ZSCAN31: variants seen among roughly 807,000 people sequenced by gnomAD.
ZSCAN31 encodes zinc finger and SCAN domain containing 31.
A neutral mutation model predicts 22.5 loss-of-function variants in ZSCAN31; 14 were observed. The ratio of observed to expected loss-of-function variants is 0.62; its 90% CI spans 0.41 to 0.97. The LOEUF is 0.97. Ranked by LOEUF, ZSCAN31 falls within the 50% of genes least tolerant of loss-of-function variation. The pLI, the probability that ZSCAN31 is intolerant of heterozygous loss-of-function variation, is 0.00. For synonymous variants in ZSCAN31, 168 were observed against 169.8 expected (o/e 0.99, Z 0.08); for missense variants, 424 against 483.4 (o/e 0.88, Z 1.15).
rs1206617540 is a variant in ZSCAN31, at chr6:28,326,169, TG to T, written c.1217del (p.Pro406HisfsTer31). 2.5e-6 allele frequency: 4 copies of T among 1,605,934 alleles called. No individual in the cohort carries two copies. In the Admixed American group the frequency reaches 6.7e-5, roughly 27 times the overall value. On this transcript the variant is annotated frameshift_variant, in exon 4 of 4. Transcript: ENST00000344279. LOFTEE classifies it high-confidence loss of function. ...GGCTTTCCCAAACTCATCACCCTTA[TG>T]GTCTCTCTCCAGTGTGGATTTTCTG... ...KHQKIHTGERP is the reference protein window; with the variant it reads ...KHQKIHTGERX
rs199969887 is a variant in ZSCAN31 at position 28,326,701 on chromosome 6, T to G, written c.686A>C (p.Gln229Pro). Reference sequence around the variant, plus strand: ...TCTCTCTCCAGTGGAATGTGCCTGCTGCTTTTCTGCCTTGCTGTCTCGTTT... The same window carrying G: ...TCTCTCTCCAGTGGAATGTGCCTGCGGCTTTTCTGCCTTGCTGTCTCGTTT... ...TCKRDSKAEKQQAHSTGERRH... is the reference protein window; with the variant it reads ...TCKRDSKAEKPQAHSTGERRH... The change falls in exon 4 of 4, where the codon CAG (glutamine) becomes CCG (proline). Residue 229 changes from glutamine (Q) to proline (P), a missense_variant. Coordinates refer to ENST00000344279, the MANE Select transcript of ZSCAN31 (RefSeq NM_030899.5). 3.7e-6 allele frequency: 6 copies of G among 1,614,122 alleles called. No individual in the cohort carries two copies. Among genetic ancestry groups the G allele is most frequent in the South Asian group, 1.1e-5 (1 of 91,092 alleles).
At chr6:28,329,168 G>T in intron 2 of ZSCAN31, 135 bp downstream of exon 2, 1 of 1,079,794 alleles carries the variant, frequency 9.3e-7, no homozygotes, top group Non-Finnish European at 1.3e-6. Context: ...CCATAGTCTT[G>T]GCCATTAAGG....
intron 3 of ZSCAN31, among the ~76,000 whole-genome samples, chr6:28,341,299 G>C (rs1478342136): frequency 6.6e-6 from 1 of 152,156 alleles, no homozygotes; most frequent in African/African-American, 2.4e-5. Flanking sequence ...ATAGAAATTC[G>C]TTGCTCACAG....
At chr6:28,346,064 G>A (rs755567955) in intron 2 of ZSCAN31, among the ~76,000 whole-genome samples, 10 of 152,074 alleles carry the variant, frequency 6.6e-5, no homozygotes, top group East Asian at 1.9e-4. Context: ...TCTAGGCTCC[G>A]TGAGTTCAAA....
chr6:28,335,149 G>C (rs1764045111), intron 1 of ZSCAN31, among the ~76,000 whole-genome samples: 1 of 152,136 alleles, frequency 6.6e-6, no homozygotes, highest in East Asian at 1.9e-4. Flanking sequence ...GCCTTAGGTG[G>C]ATAGCAAGGG....
chr6:28,353,952 G>T (rs1308620626), exon 2 of ZSCAN31: 1 of 454,910 alleles, frequency 2.2e-6, no homozygotes, highest in Non-Finnish European at 4.4e-6. Flanking sequence ...AACACTCGGG[G>T]CTGTAGGCAG....
At chr6:28,353,578 GTA>G (rs1765206119) in intron 2 of ZSCAN31, 1 of 268,648 alleles carries the variant, frequency 3.7e-6, no homozygotes, top group African/African-American at 2.2e-5. Flanking sequence ...TGAGGAAGGA[GTA>G]GATTAGGAAG....
In ZSCAN31 at chr6:28,326,339, G is replaced by T. The variant is rs368001785; in HGVS notation, c.1048C>A (p.Arg350Ser). The T allele has an allele frequency of 5.0e-6, 8 of 1,614,098 alleles. No homozygotes were observed. Among genetic ancestry groups the T allele is most frequent in the Non-Finnish European group, 6.8e-6 (8 of 1,180,044 alleles). Residue 350 changes from arginine to serine, a missense_variant, in exon 4 of 4, where the codon CGC (arginine) becomes AGC (serine). Arg to Ser is a moderately radical substitution (Grantham distance 110). Coordinates refer to ENST00000344279, the MANE Select transcript of ZSCAN31 (RefSeq NM_030899.5). ...TTGCCACACTCACGACACTGATAGC[G>T]CTTCTCTCCAGTGTGTATCCTCTGA... is the stretch of plus-strand genomic sequence containing the variant. ...QHQRIHTGEKRYQCRECGKAF... is the reference protein window; with the variant it reads ...QHQRIHTGEKSYQCRECGKAF...
At position 28,342,417 on chromosome 6, in the gene ZSCAN31, C is replaced by T. The variant is rs117263532; in HGVS notation, c.-370-625G>A. On this transcript the variant is annotated intron_variant, in intron 2 of 7. Coordinates refer to the ZSCAN31 transcript ENST00000396838. ...CTCAGGACACACCCCACCACCACAC[C>T]TGGACACTACGTTAGTTCCTAGGGT... Among the ~76,000 whole-genome samples the T allele has an allele frequency of 3.1e-4, 47 of 152,296 alleles. No homozygotes were observed. In the East Asian group the frequency reaches 8.7e-3, roughly 28 times the overall value.
intron 2 of ZSCAN31, among the ~76,000 whole-genome samples, chr6:28,345,319 A>G (rs1225815342): frequency 6.6e-6 from 1 of 152,176 alleles, no homozygotes; most frequent in African/African-American, 2.4e-5. Context: ...CAATGAACAA[A>G]TAAGCAGACA....
At chr6:28,335,020 A>G (rs1437623099) in intron 1 of ZSCAN31, among the ~76,000 whole-genome samples, 1 of 152,200 alleles carries the variant, frequency 6.6e-6, no homozygotes, top group Non-Finnish European at 1.5e-5. Context: ...ACGTGTATAT[A>G]GGAAATAAGG....
rs1167278615 is a variant in ZSCAN31, at chr6:28,347,577, TTTA to T, written c.-370-5788_-370-5786del. ...TGCTTAATTCTTTTGTTTGTTTTTG[TTTA>T]TTATTATTATTTTTTTGGCTCAGTC... On this transcript the variant is annotated intron_variant, in intron 2 of 7. Transcript: ENST00000396838. The surrounding 1 kb of genome is among the most constrained non-coding windows in gnomAD (Gnocchi z 5.2). 2.0e-5 allele frequency among the ~76,000 whole-genome samples: 3 copies of T among 152,204 alleles called. No homozygotes were observed. The highest frequency in any genetic ancestry group is 2.1e-4 in the South Asian group (1 of 4,834).
At position 28,351,918 on chromosome 6, in the gene ZSCAN31, A is replaced by G. The variant is rs2113886596; in HGVS notation, c.-371+1944T>C. Among the ~76,000 whole-genome samples the G allele has an allele frequency of 6.6e-6, 1 of 152,260 alleles. No individual in the cohort carries two copies. Among genetic ancestry groups the G allele is most frequent in the Non-Finnish European group, 1.5e-5 (1 of 68,032 alleles). ...TAGTATCATGATCACACGCAAAAAA[A>G]TTGACAATAATTCCTTGATATCATT... On this transcript the variant is annotated intron_variant, in intron 2 of 7. Transcript: ENST00000396838. The surrounding 1 kb of genome is among the most constrained non-coding windows in gnomAD (Gnocchi z 4.6).
rs958852729 is a variant in ZSCAN31 at position 28,347,589 on chromosome 6, AT to A, written c.-370-5798del. Among the ~76,000 whole-genome samples, 2 of 151,294 alleles carry A rather than the reference AT, an allele frequency of 1.3e-5. No homozygotes were observed. Among genetic ancestry groups the A allele is most frequent in the African/African-American group, 4.9e-5 (2 of 41,090 alleles). On this transcript the variant is annotated intron_variant, in intron 2 of 7. Transcript: ENST00000396838. This position sits in a 1 kb window ranked among gnomAD's most constrained non-coding sequence, Gnocchi z 5.2. ...TTGTTTGTTTTTGTTTATTATTATTATTTTTTTGGCTCAGTCTCCCCTGGAA... is the reference window on the plus strand; with the variant it reads ...TTGTTTGTTTTTGTTTATTATTATTATTTTTTGGCTCAGTCTCCCCTGGAA...
In ZSCAN31 at chr6:28,351,485, G is replaced by A. The variant is rs749198274; in HGVS notation, c.-371+2377C>T. On this transcript the variant is annotated intron_variant, in intron 2 of 7. Transcript: ENST00000396838. The surrounding 1 kb of genome is among the most constrained non-coding windows in gnomAD (Gnocchi z 4.6). ...ACATTGTTTAATTTTCTAAAATTTTGGAGAGAAATTTAAACACATTTAATT... is the reference window on the plus strand; with the variant it reads ...ACATTGTTTAATTTTCTAAAATTTTAGAGAGAAATTTAAACACATTTAATT... Among the ~76,000 whole-genome samples, 3 of 152,028 alleles carry A rather than the reference G, an allele frequency of 2.0e-5. No individual in the cohort carries two copies. Among genetic ancestry groups the A allele is most frequent in the Non-Finnish European group, 4.4e-5 (3 of 68,016 alleles).
At chr6:28,336,424 CAG>C (rs1231275572), upstream of ZSCAN31, 1 of 152,194 alleles carries the variant, frequency 6.6e-6, no homozygotes, top group East Asian at 1.9e-4. Flanking sequence ...GAGCGAGTAA[CAG>C]GAGGCAATTC....
intron 2 of ZSCAN31, chr6:28,341,800 A>C (rs1289677757): frequency 6.6e-6 from 1 of 152,266 alleles, no homozygotes; most frequent in Non-Finnish European, 1.5e-5. Context: ...GGTCTGCTAA[A>C]AACAAAGAAA....
upstream of ZSCAN31, among the ~76,000 whole-genome samples, chr6:28,354,501 TACAC>T (rs954792857): frequency 1.3e-5 from 2 of 152,094 alleles, no homozygotes; most frequent in African/African-American, 4.8e-5. Context: ...CCAGGGCTGA[TACAC>T]ACAGGCTTGA....
chr6:28,348,846 CATAT>C (rs1478200834), intron 2 of ZSCAN31, among the ~76,000 whole-genome samples: 1 of 151,854 alleles, frequency 6.6e-6, no homozygotes, highest in Non-Finnish European at 1.5e-5. Context: ...ATTGAGTTCT[CATAT>C]ATATAGGTGT....
Sources: allele counts gnomAD v4.1 joint callset (sites outside exome capture counted in the v4.1 genomes callset), GRCh38; gene constraint gnomAD v4.1.1; non-coding constraint Gnocchi (gnomAD v3.1); transcripts MANE v1.5; gene names NCBI Gene and HGNC (gene_info 2026-07-23, HGNC 2026-07-21).